The following PILRB variants were observed in gnomAD, a reference collection of about 807,000 sequenced individuals.
PILRB encodes the protein paired immunoglobin like type 2 receptor beta.
In PILRB, 21 loss-of-function variants were observed where a neutral mutation model predicts 20.5. That is an observed-to-expected ratio of 1.02 (90% CI 0.72 to 1.47). PILRB has a LOEUF of 1.47. PILRB is among the 40% of genes most tolerant of loss of function. The probability of loss-of-function intolerance (pLI) is 0.00; values close to 1 mark genes in which losing one functional copy is unlikely to be tolerated. For missense variants in PILRB, 253 were observed against 272.1 expected (o/e 0.93, Z 0.49); for synonymous variants, 133 against 115.1 (o/e 1.16, Z -0.99).
At chr7:100,363,910 A>G (rs1790599814) in intron 3 of PILRB, among the ~76,000 whole-genome samples, 2 of 152,166 alleles carry the variant, frequency 1.3e-5, no homozygotes, top group South Asian at 4.1e-4. Context: ...GGAGTTCGAG[A>G]CCAGCCTGAC....
chr7:100,358,162 T>C lies in PILRB; in HGVS notation c.-141T>C. The C allele has an allele frequency of 5.5e-6, 5 of 907,646 alleles. No homozygotes were observed. Among genetic ancestry groups the C allele is most frequent in the Non-Finnish European group, 8.8e-6 (5 of 570,588 alleles). The allele number at this position is 907,646 out of a possible 1,614,324, so 56.2% of individuals were successfully genotyped here. A position where few individuals can be genotyped will look rare whatever the true frequency, so the allele number is the denominator to read the frequency against. ...TGGAGGTGTACTGGTTTGGGGAAGGTCCCCGGCCCCCACAGCCCTCTGGGG... is the reference window on the plus strand; with the variant it reads ...TGGAGGTGTACTGGTTTGGGGAAGGCCCCCGGCCCCCACAGCCCTCTGGGG... On this transcript the variant is annotated 5_prime_UTR_variant, in exon 1 of 4. Transcript: ENST00000609309.
At chr7:100,363,726 C>T (rs977363340) in intron 3 of PILRB, among the ~76,000 whole-genome samples, 8 of 152,198 alleles carry the variant, frequency 5.3e-5, no homozygotes, top group Non-Finnish European at 1.0e-4. Context: ...CCAAAATAAT[C>T]TTTAGAAACG....
intron 3 of PILRB, among the ~76,000 whole-genome samples, 156 bp from the exon 4 acceptor site, chr7:100,367,193 A>G (rs545954996): frequency 1.3e-5 from 2 of 152,250 alleles, no homozygotes; most frequent in African/African-American, 4.8e-5. Context: ...TTTGGAAATC[A>G]GGGACTGTGC....
intron 3 of PILRB, among the ~76,000 whole-genome samples, chr7:100,367,085 C>A (rs1195424155): frequency 1.3e-5 from 2 of 152,074 alleles, no homozygotes; most frequent in East Asian, 3.9e-4. Flanking sequence ...CTGTTGGTCC[C>A]CCTACACGTC....
rs1790463876 is a variant in PILRB at position 100,359,445 on chromosome 7, C to T, written c.563C>T (p.Thr188Ile). 6.2e-7 allele frequency: 1 copy of T among 1,614,188 alleles called. No individual in the cohort carries two copies. The highest frequency in any genetic ancestry group is 8.5e-7 in the Non-Finnish European group (1 of 1,180,000). ...GAATCATGGCACCTAAGTCTGGACA[C>T]TGCCATCAGGGTTGCATTGGCTGTC... ...HSESWHLSLD[T>I]AIRVALAVAV... The change falls in exon 3 of 4, where the codon ACT (threonine) becomes ATT (isoleucine). Residue 188 changes from threonine to isoleucine, a missense_variant. Coordinates refer to ENST00000609309, the MANE Select transcript of PILRB (RefSeq NM_178238.4).
chr7:100,362,897 G>C (rs1426989024), intron 3 of PILRB, among the ~76,000 whole-genome samples: 1 of 152,042 alleles, frequency 6.6e-6, no homozygotes. Context: ...AAGGCCCATG[G>C]CTGAAAGTCT....
chr7:100,366,676 G>A (rs1198064812), intron 3 of PILRB, among the ~76,000 whole-genome samples: 2 of 152,092 alleles, frequency 1.3e-5, no homozygotes, highest in East Asian at 1.9e-4. Flanking sequence ...AGACACAGCC[G>A]CCACCCAGAA....
chr7:100,358,667 C>G (rs2906644), intron 1 of PILRB, 23 bp from the exon 2 acceptor site: 185,401 of 1,609,558 alleles, frequency 0.12, 12,320 homozygotes, highest in Non-Finnish European at 0.14. Context: ...GTCTCTCCCC[C>G]ACTCACTCCC....
Position 100,367,344 on chromosome 7 carries a change from TGCAGGTA to T in PILRB, c.657_663del (p.Ser220ArgfsTer18). ...CTGCATCTAAAAACACTTCCCCTCC[TGCAGGTA>T]GCAGGGCGCCAAGCAGTGACTTCTG... On this transcript the variant is annotated splice_acceptor_variant and splice_polypyrimidine_tract_variant and coding_sequence_variant and intron_variant, in exon 4 of 4. Coordinates refer to ENST00000609309, the MANE Select transcript of PILRB (RefSeq NM_178238.4). LOFTEE classifies it high-confidence loss of function. The T allele has an allele frequency of 1.3e-6, 1 of 780,910 alleles. No individual in the cohort carries two copies. The highest frequency in any genetic ancestry group is 1.3e-5 in the South Asian group (1 of 74,622). 48.4% of individuals were successfully genotyped at this position (780,910 alleles called of 1,614,324 possible).
At chr7:100,359,185 G>A in intron 2 of PILRB, 106 bp downstream of exon 2, 2 of 1,534,266 alleles carry the variant, frequency 1.3e-6, no homozygotes, top group Non-Finnish European at 1.8e-6. Flanking sequence ...AGAGCTGTTA[G>A]CATTTCACCT....
intron 1 of PILRB, 132 bp downstream of exon 1, chr7:100,358,498 G>T: frequency 1.6e-6 from 2 of 1,272,686 alleles, no homozygotes; most frequent in Non-Finnish European, 2.2e-6. Context: ...TCCCATAGGG[G>T]TGGGTGCCGC....
At chr7:100,362,164 A>G (rs1286643736) in intron 3 of PILRB, among the ~76,000 whole-genome samples, 1 of 152,150 alleles carries the variant, frequency 6.6e-6, no homozygotes, top group Non-Finnish European at 1.5e-5. Flanking sequence ...GTAGGGTGGG[A>G]TAATGACCAA....
chr7:100,364,108 CAAA>C, intron 3 of PILRB, among the ~76,000 whole-genome samples: 1 of 93,128 alleles, frequency 1.1e-5, no homozygotes. Flanking sequence ...AACTCCATCT[CAAA>C]AAAAAAAAAA....
At chr7:100,358,635 T>A in intron 1 of PILRB, 55 bp from the exon 2 acceptor site, 1 of 1,588,272 alleles carries the variant, frequency 6.3e-7, no homozygotes, top group Non-Finnish European at 8.6e-7. Context: ...TCACCCTCTT[T>A]GTGTCCTGAG....
chr7:100,365,313 G>C (rs1790645914), intron 3 of PILRB, among the ~76,000 whole-genome samples: 1 of 152,070 alleles, frequency 6.6e-6, no homozygotes, highest in Non-Finnish European at 1.5e-5. Context: ...ACCTTTAAAG[G>C]GAAGGAAATT....
At chr7:100,365,204 T>C (rs1790641427) in intron 3 of PILRB, among the ~76,000 whole-genome samples, 1 of 152,112 alleles carries the variant, frequency 6.6e-6, no homozygotes, top group African/African-American at 2.4e-5. Flanking sequence ...TTCACCATGT[T>C]GGCCAGGCTG....
At chr7:100,366,195 C>T (rs1790679391) in intron 3 of PILRB, among the ~76,000 whole-genome samples, 1 of 152,188 alleles carries the variant, frequency 6.6e-6, no homozygotes, top group Non-Finnish European at 1.5e-5. Context: ...CTCAGGTGAT[C>T]TGCCCACCTT....
intron 3 of PILRB, among the ~76,000 whole-genome samples, chr7:100,359,795 C>T (rs940523173): frequency 6.6e-6 from 1 of 152,172 alleles, no homozygotes; most frequent in Non-Finnish European, 1.5e-5. Context: ...GAGCCCAAGG[C>T]AGGTGGATCA....
Position 100,358,678 on chromosome 7 carries a change from T to C in PILRB, c.65-12T>C. ...CAAGGTCTCTCCCCCACTCACTCCCTCCTTCCTCTAGGTGGCTCCACAGGA... is the reference window on the plus strand; with the variant it reads ...CAAGGTCTCTCCCCCACTCACTCCCCCCTTCCTCTAGGTGGCTCCACAGGA... On this transcript the variant is annotated splice_polypyrimidine_tract_variant and intron_variant, in intron 1 of 3. Coordinates refer to ENST00000609309, the MANE Select transcript of PILRB (RefSeq NM_178238.4). 6.2e-7 allele frequency: 1 copy of C among 1,611,990 alleles called. No homozygotes were observed. Among genetic ancestry groups the C allele is most frequent in the Non-Finnish European group, 8.5e-7 (1 of 1,178,464 alleles).
Sources: gnomAD v4.1 joint callset for allele counts (sites outside exome capture counted in the v4.1 genomes callset) on GRCh38, gnomAD v4.1.1 for gene constraint, MANE v1.5 for transcripts, NCBI Gene and HGNC (gene_info 2026-07-23, HGNC 2026-07-21) for gene names.